The following OR4A5 variants were observed in gnomAD, a reference collection of about 807,000 sequenced individuals.
OR4A5 encodes the protein olfactory receptor family 4 subfamily A member 5.
For missense variants in OR4A5, 684 were observed against 381.6 expected, an observed-to-expected ratio of 1.79 and a Z score of -6.60; for synonymous variants, 245 against 138.5, an observed-to-expected ratio of 1.77 and a Z score of -5.40.
In OR4A5 at chr11:54,707,362, G is replaced by T. The variant is rs150995059; in HGVS notation, c.478G>T (p.Val160Leu). The change falls in exon 1 of 1, where the codon GTG (valine) becomes TTG (leucine). Residue 160 changes from valine to leucine, a missense_variant. Coordinates refer to ENST00000319760, the MANE Select transcript of OR4A5 (RefSeq NM_001005272.3). ...GFVHSAFQIV[V>L]YSLPFCGPNV... ...TGTACATTCTGCGTTTCAAATTGTT[G>T]TGTACAGTCTCCCTTTCTGTGGTCC... 6.2e-7 allele frequency: 1 copy of T among 1,613,614 alleles called. No homozygotes were observed. The highest frequency in any genetic ancestry group is 8.5e-7 in the Non-Finnish European group (1 of 1,179,850).
At position 54,707,306 on chromosome 11, in the gene OR4A5, T is replaced by C. The variant is rs1854052595; in HGVS notation, c.422T>C (p.Leu141Pro). The change falls in exon 1 of 1, where the codon CTT (leucine) becomes CCT (proline). Residue 141 changes from leucine (L) to proline (P), a missense_variant. Transcript: ENST00000319760. ...LTIMNRQVCF[L>P]LLVVAMIGGF... is the part of the protein sequence containing the mutation. ...ATCATGAATCGACAGGTTTGCTTCC[T>C]TCTGTTGGTGGTGGCCATGATTGGA... 6.2e-7 allele frequency: 1 copy of C among 1,613,682 alleles called. No homozygotes were observed. Among genetic ancestry groups the C allele is most frequent in the Admixed American group, 1.7e-5 (1 of 59,912 alleles).
rs763649514 is a variant in OR4A5, at chr11:54,707,875, G to A, written c.*43G>A. ...CAAGGTCTTCCCAGTGAAGTTTTCA[G>A]GTTTCTAAGGGCAAGTCAAGGATCC... On this transcript the variant is annotated 3_prime_UTR_variant, in exon 1 of 1. Coordinates refer to ENST00000319760, the MANE Select transcript of OR4A5 (RefSeq NM_001005272.3). 8.0e-6 allele frequency: 7 copies of A among 869,626 alleles called. No individual in the cohort carries two copies. The highest frequency in any genetic ancestry group is 5.8e-5 in the South Asian group (3 of 51,798). The allele number at this position is 869,626 out of a possible 1,614,324, so 53.9% of individuals were successfully genotyped here.
chr11:54,707,860 C>T lies in OR4A5; in HGVS notation c.*28C>T, dbSNP rs1295207409. 9.2e-7 allele frequency: 1 copy of T among 1,084,128 alleles called. No individual in the cohort carries two copies. Among genetic ancestry groups the T allele is most frequent in the Non-Finnish European group, 1.3e-6 (1 of 761,032 alleles). The allele number at this position is 1,084,128 out of a possible 1,614,324, so 67.2% of individuals were successfully genotyped here. ...AAGGAGGTATGTAGTCAAGGTCTTC[C>T]CAGTGAAGTTTTCAGGTTTCTAAGG... On this transcript the variant is annotated 3_prime_UTR_variant, in exon 1 of 1. Coordinates refer to ENST00000319760, the MANE Select transcript of OR4A5 (RefSeq NM_001005272.3).
In OR4A5 at chr11:54,706,926, C is replaced by A. The variant is rs777519250; in HGVS notation, c.42C>A (p.Gly14=). 7 of 1,611,922 alleles carry A rather than the reference C, an allele frequency of 4.3e-6. No individual in the cohort carries two copies. The South Asian group carries it at 5.5e-5, about 13-fold the overall frequency. ...NNNITEFVLL[G]FSQDPGVQKA... is the part of the protein sequence containing the mutation. ...ATATTACAGAATTTGTCCTCCTGGG[C>A]TTTTCTCAGGATCCTGGTGTGCAAA... Residue 14 remains glycine (G), a synonymous_variant, in exon 1 of 1, where the codon GGC becomes GGA. Coordinates refer to ENST00000319760, the MANE Select transcript of OR4A5 (RefSeq NM_001005272.3).
chr11:54,707,666 A>T lies in OR4A5; in HGVS notation c.782A>T (p.Asn261Ile). The T allele has an allele frequency of 6.2e-7, 1 of 1,611,816 alleles. No homozygotes were observed. Among genetic ancestry groups the T allele is most frequent in the Non-Finnish European group, 8.5e-7 (1 of 1,178,928 alleles). ...CIFIYVRPVS[N>I]FPTDKFMTVF... ...TTCATATATGTTAGACCTGTTTCAA[A>T]CTTTCCTACTGATAAGTTCATGACT... The change falls in exon 1 of 1, where the codon AAC becomes ATC. Residue 261 changes from asparagine to isoleucine, a missense_variant. Physicochemically the swap from Asn to Ile is moderately radical, Grantham distance 149. Transcript: ENST00000319760.
rs746079149 is a variant in OR4A5 at position 54,707,783 on chromosome 11, G to A, written c.899G>A (p.Gly300Asp). 3.8e-6 allele frequency: 6 copies of A among 1,573,988 alleles called. No homozygotes were observed. In the African/African-American group the frequency reaches 4.1e-5, roughly 11 times the overall value. ...EMRNAIEKLL[G>D]KKLTIFIIGG... ...AGAAATGCTATAGAAAAACTCTTGGGTAAAAAGTTAACTATATTTATTATA... is the reference window on the plus strand; with the variant it reads ...AGAAATGCTATAGAAAAACTCTTGGATAAAAAGTTAACTATATTTATTATA... Residue 300 changes from glycine (G) to aspartate (D), a missense_variant, in exon 1 of 1, where the codon GGT (glycine) becomes GAT (aspartate). Physicochemically the swap from Gly to Asp is moderately conservative, Grantham distance 94 (BLOSUM62 -1). Coordinates refer to ENST00000319760, the MANE Select transcript of OR4A5 (RefSeq NM_001005272.3).
At position 54,707,169 on chromosome 11, in the gene OR4A5, C is replaced by A; in HGVS notation, c.285C>A (p.Cys95Ter). 6.2e-7 allele frequency: 1 copy of A among 1,613,752 alleles called. No individual in the cohort carries two copies. Among genetic ancestry groups the A allele is most frequent in the Non-Finnish European group, 8.5e-7 (1 of 1,179,884 alleles). ...AAAAGACTATTTCCTTCCAAGGTTG[C>A]ATGGGCCAGCTATTTATAGACCATT... The part of the protein sequence containing the change: ...CDKKTISFQG[C>*]MGQLFIDHFF... Residue 95 changes from cysteine to a stop codon, truncating the protein, a stop_gained, in exon 1 of 1, where the codon TGC becomes TGA. Coordinates refer to ENST00000319760, the MANE Select transcript of OR4A5 (RefSeq NM_001005272.3). LOFTEE classifies it low-confidence loss of function (END_TRUNC).
chr11:54,707,518 T>C lies in OR4A5; in HGVS notation c.634T>C (p.Leu212=), dbSNP rs542779746. The change falls in exon 1 of 1, where the codon TTA becomes CTA. Residue 212 remains leucine (L), a synonymous_variant. Coordinates refer to ENST00000319760, the MANE Select transcript of OR4A5 (RefSeq NM_001005272.3). The stretch of plus-strand genomic sequence containing the variant: ...CTGTATGGTCATTTTCAACCTTCTG[T>C]TAATCTCCTATGGAGTCATCCTAAG... ...AICMVIFNLL[L]ISYGVILSSL... The C allele has an allele frequency of 1.2e-6, 2 of 1,613,686 alleles. No homozygotes were observed. The highest frequency in any genetic ancestry group is 1.7e-6 in the Non-Finnish European group (2 of 1,179,868).
rs766174410 is a variant in OR4A5, at chr11:54,707,759, G to T, written c.875G>T (p.Arg292Ile). 21 of 1,590,942 alleles carry T rather than the reference G, an allele frequency of 1.3e-5. No individual in the cohort carries two copies. The highest frequency in any genetic ancestry group is 1.6e-5 in the Non-Finnish European group (19 of 1,164,500). Residue 292 changes from arginine to isoleucine, a missense_variant, in exon 1 of 1, where the codon AGA (arginine) becomes ATA (isoleucine). Physicochemically the swap from Arg to Ile is moderately conservative, Grantham distance 97. Transcript: ENST00000319760. ...TATACGTTGAGAAATTCAGAGATGA[G>T]AAATGCTATAGAAAAACTCTTGGGT... The part of the protein sequence containing the change: ...LIYTLRNSEM[R>I]NAIEKLLGKK...
In OR4A5 at chr11:54,707,116, A is replaced by T. The variant is rs1590457210; in HGVS notation, c.232A>T (p.Lys78Ter). 1 of 1,613,640 alleles carries T rather than the reference A, an allele frequency of 6.2e-7. No homozygotes were observed. The highest frequency in any genetic ancestry group is 2.2e-5 in the East Asian group (1 of 44,754). The change falls in exon 1 of 1, where the codon AAG (lysine) becomes TAG (stop). Residue 78 changes from lysine (K) to a stop codon, truncating the protein, a stop_gained. Coordinates refer to ENST00000319760, the MANE Select transcript of OR4A5 (RefSeq NM_001005272.3). LOFTEE classifies it low-confidence loss of function (END_TRUNC). ...TGCATATTCCACTACCATTTCTCCC[A>T]AGTTAATTGTAGGCTTATTCTGTGA... is the stretch of plus-strand genomic sequence containing the variant. ...DAAYSTTISP[K>*]LIVGLFCDKK...
rs367803397 is a variant in OR4A5, at chr11:54,707,210, A to T, written c.326A>T (p.Glu109Val). Reference protein sequence around the residue: ...LFIDHFFGGAEVFLLVVMACD... With the variant: ...LFIDHFFGGAVVFLLVVMACD... Reference sequence around the variant, plus strand: ...ATAGACCATTTCTTTGGTGGGGCTGAGGTCTTCCTTCTGGTGGTGATGGCC... The same window carrying T: ...ATAGACCATTTCTTTGGTGGGGCTGTGGTCTTCCTTCTGGTGGTGATGGCC... Residue 109 changes from glutamate (E) to valine (V), a missense_variant, in exon 1 of 1, where the codon GAG becomes GTG. Glu to Val is a moderately radical substitution (Grantham distance 121). Transcript: ENST00000319760. The T allele has an allele frequency of 2.5e-6, 4 of 1,613,716 alleles. No individual in the cohort carries two copies. The South Asian group carries it at 3.3e-5, about 13-fold the overall frequency.
In OR4A5 at chr11:54,707,327, T is replaced by C. The variant is rs751926690; in HGVS notation, c.443T>C (p.Ile148Thr). 83 of 1,613,764 alleles carry C rather than the reference T, an allele frequency of 5.1e-5. No individual in the cohort carries two copies. The highest frequency in any genetic ancestry group is 6.6e-5 in the Non-Finnish European group (78 of 1,179,884). ...VCFLLLVVAM[I>T]GGFVHSAFQI... ...TTCCTTCTGTTGGTGGTGGCCATGA[T>C]TGGAGGTTTTGTACATTCTGCGTTT... Residue 148 changes from isoleucine (I) to threonine (T), a missense_variant, in exon 1 of 1, where the codon ATT becomes ACT. By Grantham distance (89) the Ile-to-Thr change is moderately conservative. Transcript: ENST00000319760.
At position 54,707,900 on chromosome 11, in the gene OR4A5, C is replaced by A. The variant is rs939360029; in HGVS notation, c.*68C>A. 21 of 691,310 alleles carry A rather than the reference C, an allele frequency of 3.0e-5. No homozygotes were observed. The African/African-American group carries it at 3.3e-4, about 11-fold the overall frequency. The allele number at this position is 691,310 out of a possible 1,614,324, so 42.8% of individuals were successfully genotyped here. ...GGTTTCTAAGGGCAAGTCAAGGATC[C>A]CAAAGAAAGAAGACAGGATTTGGAT... On this transcript the variant is annotated 3_prime_UTR_variant, in exon 1 of 1. Coordinates refer to ENST00000319760, the MANE Select transcript of OR4A5 (RefSeq NM_001005272.3).
chr11:54,707,688 G>A lies in OR4A5; in HGVS notation c.804G>A (p.Met268Ile). 6.2e-7 allele frequency: 1 copy of A among 1,609,566 alleles called. No individual in the cohort carries two copies. The highest frequency in any genetic ancestry group is 8.5e-7 in the Non-Finnish European group (1 of 1,176,538). Residue 268 changes from methionine to isoleucine, a missense_variant, in exon 1 of 1, where the codon ATG becomes ATA. Physicochemically the swap from Met to Ile is conservative, Grantham distance 10 (BLOSUM62 1). Coordinates refer to ENST00000319760, the MANE Select transcript of OR4A5 (RefSeq NM_001005272.3). ...PVSNFPTDKF[M>I]TVFYTIITHM... Reference sequence around the variant, plus strand: ...CAAACTTTCCTACTGATAAGTTCATGACTGTGTTTTATACCATTATCACAC... The same window carrying A: ...CAAACTTTCCTACTGATAAGTTCATAACTGTGTTTTATACCATTATCACAC...
In OR4A5 at chr11:54,706,968, G is replaced by A. The variant is rs1207398999; in HGVS notation, c.84G>A (p.Met28Ile). 1 of 1,613,192 alleles carries A rather than the reference G, an allele frequency of 6.2e-7. No individual in the cohort carries two copies. Among genetic ancestry groups the A allele is most frequent in the East Asian group, 2.2e-5 (1 of 44,730 alleles). Residue 28 changes from methionine (M) to isoleucine (I), a missense_variant, in exon 1 of 1, where the codon ATG becomes ATA. Met to Ile is a conservative substitution (Grantham distance 10). Transcript: ENST00000319760. ...GTGTGCAAAAAGCATTATTTGTCAT[G>A]TTTTTACTCACATACTTGGTGACAG... ...DPGVQKALFV[M>I]FLLTYLVTVV...
In OR4A5 at chr11:54,707,782, G is replaced by T. The variant is rs1355321533; in HGVS notation, c.898G>T (p.Gly300Cys). The T allele has an allele frequency of 1.9e-6, 3 of 1,575,070 alleles. No individual in the cohort carries two copies. Among genetic ancestry groups the T allele is most frequent in the South Asian group, 2.3e-5 (2 of 87,612 alleles). The change falls in exon 1 of 1, where the codon GGT (glycine) becomes TGT (cysteine). Residue 300 changes from glycine to cysteine, a missense_variant. Gly to Cys is a radical substitution (Grantham distance 159). Transcript: ENST00000319760. Reference sequence around the variant, plus strand: ...GAGAAATGCTATAGAAAAACTCTTGGGTAAAAAGTTAACTATATTTATTAT... The same window carrying T: ...GAGAAATGCTATAGAAAAACTCTTGTGTAAAAAGTTAACTATATTTATTAT... ...EMRNAIEKLLGKKLTIFIIGG... is the reference protein window; with the variant it reads ...EMRNAIEKLLCKKLTIFIIGG...
chr11:54,706,920 C>T lies in OR4A5; in HGVS notation c.36C>T (p.Leu12=), dbSNP rs141556662. 58 of 1,611,512 alleles carry T rather than the reference C, an allele frequency of 3.6e-5. 1 individual carries two copies. The African/African-American group carries it at 6.8e-4, about 19-fold the overall frequency. ...RQNNNITEFV[L]LGFSQDPGVQ... is the part of the protein sequence containing the mutation. ...ATAACAATATTACAGAATTTGTCCT[C>T]CTGGGCTTTTCTCAGGATCCTGGTG... Residue 12 remains leucine (L), a synonymous_variant, in exon 1 of 1, where the codon CTC becomes CTT. Transcript: ENST00000319760.
chr11:54,707,254 A>C lies in OR4A5; in HGVS notation c.370A>C (p.Ile124Leu). 1 of 1,613,692 alleles carries C rather than the reference A, an allele frequency of 6.2e-7. No homozygotes were observed. Among genetic ancestry groups the C allele is most frequent in the South Asian group, 1.1e-5 (1 of 91,072 alleles). The change falls in exon 1 of 1, where the codon ATC becomes CTC. Residue 124 changes from isoleucine to leucine, a missense_variant. Ile to Leu is a conservative substitution (Grantham distance 5). Transcript: ENST00000319760. Reference protein sequence around the residue: ...VVMACDRYVAICKPLHYLTIM... With the variant: ...VVMACDRYVALCKPLHYLTIM... The stretch of plus-strand genomic sequence containing the variant: ...GATGGCCTGTGATCGCTATGTGGCC[A>C]TCTGTAAGCCACTGCACTATTTGAC...
Position 54,707,138 on chromosome 11 carries a change from G to C in OR4A5, c.254G>C (p.Cys85Ser). 1 of 1,613,616 alleles carries C rather than the reference G, an allele frequency of 6.2e-7. No homozygotes were observed. The highest frequency in any genetic ancestry group is 8.5e-7 in the Non-Finnish European group (1 of 1,179,856). ...CCCAAGTTAATTGTAGGCTTATTCT[G>C]TGATAAAAAGACTATTTCCTTCCAA... ...ISPKLIVGLF[C>S]DKKTISFQGC... The change falls in exon 1 of 1, where the codon TGT becomes TCT. Residue 85 changes from cysteine (C) to serine (S), a missense_variant. Physicochemically the swap from Cys to Ser is moderately radical, Grantham distance 112. Coordinates refer to ENST00000319760, the MANE Select transcript of OR4A5 (RefSeq NM_001005272.3).
Sources: allele counts gnomAD v4.1 joint callset, GRCh38; gene constraint gnomAD v4.1.1; transcripts MANE v1.5; gene names NCBI Gene and HGNC (gene_info 2026-07-23, HGNC 2026-07-21).